Variants in SUPT3H observed in about 807,000 individuals in gnomAD.
The protein encoded by SUPT3H is SPT3 homolog, SAGA and STAGA complex component, also known as transcription initiation protein SPT3 homolog.
A neutral mutation model predicts 44.3 loss-of-function variants in SUPT3H; 44 were observed. The observed-to-expected ratio is 0.99, with a 90% CI of 0.78 to 1.28. SUPT3H has a LOEUF of 1.28. Ranked by LOEUF, SUPT3H falls within the 50% of genes most tolerant of loss-of-function variation. SUPT3H has a pLI of 0.00. For synonymous variants in SUPT3H, 124 were observed against 125.6 expected, an observed-to-expected ratio of 0.99 and a Z score of 0.09; for missense variants, 380 against 387.1, an observed-to-expected ratio of 0.98 and a Z score of 0.15.
chr6:44,981,674 T>C (rs2153490028), intron 6 of SUPT3H, among the ~76,000 whole-genome samples: 1 of 152,232 alleles, frequency 6.6e-6, no homozygotes, highest in East Asian at 1.9e-4. Context: ...GATGGGACTC[T>C]CTAGGTTAAG....
intron 2 of SUPT3H, among the ~76,000 whole-genome samples, chr6:45,332,906 C>G (rs1387948850): frequency 2.6e-5 from 4 of 151,656 alleles, no homozygotes; most frequent in Non-Finnish European, 5.9e-5. Flanking sequence ...CCTTAATGTA[C>G]TATTTTTTCT....
intron 6 of SUPT3H, among the ~76,000 whole-genome samples, chr6:44,990,129 G>A (rs1157238064): frequency 6.6e-6 from 1 of 151,934 alleles, no homozygotes; most frequent in African/African-American, 2.4e-5. Flanking sequence ...ACACTTTTAT[G>A]TTTATCTTCA....
chr6:44,969,053 C>T (rs745323171), intron 6 of SUPT3H, among the ~76,000 whole-genome samples: 6 of 152,120 alleles, frequency 3.9e-5, no homozygotes, highest in Non-Finnish European at 7.4e-5. Flanking sequence ...CAAGGTCTTG[C>T]GTAGGTCCCA....
chr6:44,943,150 C>T (rs552930818), intron 9 of SUPT3H, among the ~76,000 whole-genome samples: 13 of 151,344 alleles, frequency 8.6e-5, no homozygotes, highest in Middle Eastern at 3.4e-3. Flanking sequence ...TTGTAACAAA[C>T]GGACAAATAA....
At chr6:45,115,771 G>A (rs911642508) in intron 2 of SUPT3H, among the ~76,000 whole-genome samples, 21 of 152,076 alleles carry the variant, frequency 1.4e-4, no homozygotes, top group Admixed American at 6.6e-4. Context: ...TACATTCAAC[G>A]AATATTTATT....
At chr6:44,901,325 A>G (rs1173209015) in intron 10 of SUPT3H, among the ~76,000 whole-genome samples, 3 of 152,094 alleles carry the variant, frequency 2.0e-5, no homozygotes, top group African/African-American at 7.2e-5. Flanking sequence ...GAGAAGTCCT[A>G]AAAGGACCTG....
intron 10 of SUPT3H, among the ~76,000 whole-genome samples, chr6:44,842,504 G>A (rs1771110224): frequency 1.3e-5 from 2 of 152,102 alleles, no homozygotes; most frequent in Non-Finnish European, 2.9e-5. Flanking sequence ...GCTAGTCAGT[G>A]CTGTCCAATT....
At chr6:44,904,593 C>T (rs1471804490) in intron 10 of SUPT3H, among the ~76,000 whole-genome samples, 1 of 152,096 alleles carries the variant, frequency 6.6e-6, no homozygotes, top group Admixed American at 6.6e-5. Context: ...GGCCATACTG[C>T]CCAAGGTAAT....
intron 2 of SUPT3H, among the ~76,000 whole-genome samples, chr6:45,296,405 G>A (rs907734187): frequency 6.6e-6 from 1 of 151,934 alleles, no homozygotes; most frequent in African/African-American, 2.4e-5. Flanking sequence ...GGACTTTGGG[G>A]ACTCAGGGGG....
At chr6:45,253,848 CAT>C (rs34256293) in intron 2 of SUPT3H, among the ~76,000 whole-genome samples, 30,640 of 88,848 alleles carry the variant, frequency 0.34, 5,946 homozygotes, top group Non-Finnish European at 0.44. Context: ...CACATATACG[CAT>C]ATATATATAT....
Position 44,993,121 on chromosome 6 carries a change from C to T in SUPT3H, c.504+10532G>A, listed in dbSNP as rs531595220. Among the ~76,000 whole-genome samples the T allele has an allele frequency of 1.1e-4, 16 of 152,166 alleles. No homozygotes were observed. The South Asian group carries it at 3.3e-3, about 32-fold the overall frequency. On this transcript the variant is annotated intron_variant, in intron 6 of 10. Coordinates refer to ENST00000371459, the MANE Select transcript of SUPT3H (RefSeq NM_003599.4). ...GAGGCTGCAGTGAGCTGTGATTGGG[C>T]CATGGCATTTCAGCCTGGGGAACAG...
intron 2 of SUPT3H, among the ~76,000 whole-genome samples, chr6:45,121,892 G>A (rs920066429): frequency 9.2e-5 from 14 of 151,740 alleles, no homozygotes; most frequent in Non-Finnish European, 1.5e-4. Flanking sequence ...TGGCCAGGCT[G>A]GTCTCAAACT....
At chr6:44,859,370 C>T (rs568244855) in intron 10 of SUPT3H, among the ~76,000 whole-genome samples, 80 of 152,302 alleles carry the variant, frequency 5.3e-4, no homozygotes, top group African/African-American at 1.8e-3. Flanking sequence ...TTCAACAATT[C>T]TTCAGCCTCT....
intron 6 of SUPT3H, among the ~76,000 whole-genome samples, chr6:44,963,731 G>A (rs2153478872): frequency 6.6e-6 from 1 of 152,244 alleles, no homozygotes; most frequent in East Asian, 1.9e-4. Context: ...TGGGCACGGT[G>A]GCTCATGCCT....
chr6:45,092,616 G>A (rs1213201735), intron 3 of SUPT3H, among the ~76,000 whole-genome samples: 1 of 151,958 alleles, frequency 6.6e-6, no homozygotes, highest in Non-Finnish European at 1.5e-5. Flanking sequence ...CAGGCGTGGT[G>A]GCAGGCACCT....
intron 2 of SUPT3H, among the ~76,000 whole-genome samples, chr6:45,323,143 A>G (rs1785783981): frequency 6.6e-6 from 1 of 152,284 alleles, no homozygotes; most frequent in Non-Finnish European, 1.5e-5. Context: ...CATAAGTAAC[A>G]CTAACTTACA....
intron 2 of SUPT3H, among the ~76,000 whole-genome samples, chr6:45,137,349 A>G (rs1305965451): frequency 6.6e-6 from 1 of 152,016 alleles, no homozygotes; most frequent in Non-Finnish European, 1.5e-5. Flanking sequence ...AAAGTTAAAT[A>G]TGGGGGTAAA....
intron 3 of SUPT3H, among the ~76,000 whole-genome samples, chr6:45,054,666 C>G (rs933840826): frequency 3.9e-5 from 6 of 151,974 alleles, no homozygotes; most frequent in African/African-American, 1.5e-4. Context: ...TTGAAAAGTT[C>G]CAATATATTC....
At chr6:45,138,611 G>T (rs1360844153) in intron 2 of SUPT3H, among the ~76,000 whole-genome samples, 1 of 152,098 alleles carries the variant, frequency 6.6e-6, no homozygotes, top group East Asian at 1.9e-4. Flanking sequence ...TACTCTGTGT[G>T]TGTGTGTGTC....
Sources: gnomAD v4.1 joint callset for allele counts (sites outside exome capture counted in the v4.1 genomes callset) on GRCh38, gnomAD v4.1.1 for gene constraint, MANE v1.5 for transcripts, NCBI Gene and HGNC (gene_info 2026-07-23, HGNC 2026-07-21) for gene names.